CCDC91: variants seen among roughly 807,000 people sequenced by gnomAD.
CCDC91 encodes coiled-coil domain containing 91, also known as coiled-coil domain-containing protein 91.
A neutral mutation model predicts 63.2 loss-of-function variants in CCDC91; 48 were observed. The ratio of observed to expected loss-of-function variants is 0.76; its 90% confidence interval spans 0.60 to 0.97. CCDC91 has a LOEUF of 0.97. Among genes scored for constraint, CCDC91 ranks in the 50% least tolerant of loss-of-function variants. CCDC91 has a pLI of 0.00. For missense variants in CCDC91, 500 were observed against 494.6 expected (o/e 1.01, Z -0.10); for synonymous variants, 167 against 165.8 (o/e 1.01, Z -0.06).
chr12:28,446,015 A>G (rs1362291233), intron 8 of CCDC91, among the ~76,000 whole-genome samples: 2 of 152,122 alleles, frequency 1.3e-5, no homozygotes, highest in Non-Finnish European at 2.9e-5. Flanking sequence ...CAAAAGAGAA[A>G]TCAAAGCAGA....
chr12:28,214,805 G>C lies in CCDC91; in HGVS notation c.-15+24164G>C, dbSNP rs185016187. Among the ~76,000 whole-genome samples, 16 of 152,242 alleles carry C rather than the reference G, an allele frequency of 1.1e-4. No homozygotes were observed. The East Asian group carries it at 3.1e-3, about 29-fold the overall frequency. ...GTTGTAGTCAGGATAGTTGCATCAC[G>C]TTAGGTGGAATTATGACCTTGTTAT... On this transcript the variant is annotated intron_variant, in intron 1 of 12. Coordinates refer to ENST00000536442, the MANE Select transcript of CCDC91 (RefSeq NM_018318.5).
At chr12:28,479,096 A>T (rs1951291135) in intron 11 of CCDC91, among the ~76,000 whole-genome samples, 1 of 152,328 alleles carries the variant, frequency 6.6e-6, no homozygotes, top group Non-Finnish European at 1.5e-5. Flanking sequence ...CATTTGACCC[A>T]GCCATCCCAT....
chr12:28,223,638 A>G (rs1247813854), intron 1 of CCDC91, among the ~76,000 whole-genome samples: 1 of 152,132 alleles, frequency 6.6e-6, no homozygotes. Context: ...TCACTAGGCT[A>G]TTATTATGTA....
At chr12:28,425,418 C>G (rs2139989142) in intron 8 of CCDC91, among the ~76,000 whole-genome samples, 1 of 152,238 alleles carries the variant, frequency 6.6e-6, no homozygotes, top group South Asian at 2.1e-4. Context: ...CTCGTCTACT[C>G]CAGGCTCTAT....
At position 28,238,773 on chromosome 12, in the gene CCDC91, TTGG is replaced by T. The variant is rs1156501120; in HGVS notation, c.-14-18425_-14-18423del. ...ATGAATCAGATATGCACCAGTAAAC[TTGG>T]TGGGATTTGCATGGGGAATTATTAC... is the stretch of plus-strand genomic sequence containing the variant. On this transcript the variant is annotated intron_variant, in intron 1 of 12. Coordinates refer to ENST00000536442, the MANE Select transcript of CCDC91 (RefSeq NM_018318.5). 2.6e-5 allele frequency among the ~76,000 whole-genome samples: 4 copies of T among 152,032 alleles called. No homozygotes were observed. The East Asian group carries it at 7.7e-4, about 29-fold the overall frequency.
intron 12 of CCDC91, among the ~76,000 whole-genome samples, chr12:28,517,915 C>A (rs1284746948): frequency 6.6e-6 from 1 of 151,966 alleles, no homozygotes; most frequent in Non-Finnish European, 1.5e-5. Context: ...AGTTACTTCA[C>A]TTAGAATAAT....
At chr12:28,348,911 A>ACG (rs957315476) in intron 6 of CCDC91, among the ~76,000 whole-genome samples, 3 of 152,024 alleles carry the variant, frequency 2.0e-5, no homozygotes, top group African/African-American at 7.2e-5. Flanking sequence ...TTTTGTAGAG[A>ACG]CGGTGTTTTG....
In CCDC91 at chr12:28,421,838, CT is replaced by C. The variant is rs760570094; in HGVS notation, c.763-28321del. ...AATCTCCCCCTTTTCCTTTATCCTT[CT>C]TCCTATTCCTTCCCTGTATCCTATC... On this transcript the variant is annotated intron_variant, in intron 8 of 12. Coordinates refer to ENST00000536442, the MANE Select transcript of CCDC91 (RefSeq NM_018318.5). Among the ~76,000 whole-genome samples the C allele has an allele frequency of 1.2e-4, 18 of 152,242 alleles. No individual in the cohort carries two copies. The East Asian group carries it at 3.5e-3, about 29-fold the overall frequency.
intron 7 of CCDC91, among the ~76,000 whole-genome samples, chr12:28,375,821 G>A (rs550592108): frequency 1.3e-5 from 2 of 151,930 alleles, no homozygotes; most frequent in South Asian, 4.2e-4. Flanking sequence ...GACTTCATGA[G>A]TTCTTAATGT....
chr12:28,381,588 G>T (rs1272879151), intron 7 of CCDC91, among the ~76,000 whole-genome samples: 2 of 151,962 alleles, frequency 1.3e-5, no homozygotes, highest in African/African-American at 4.8e-5. Context: ...TTGCTTTATA[G>T]CAATCGGAGG....
At chr12:28,281,743 C>T (rs1014867347) in intron 3 of CCDC91, among the ~76,000 whole-genome samples, 2 of 152,092 alleles carry the variant, frequency 1.3e-5, no homozygotes, top group Non-Finnish European at 2.9e-5. Context: ...AAGTAGCTGA[C>T]ATAATTAAAA....
intron 7 of CCDC91, among the ~76,000 whole-genome samples, chr12:28,376,023 G>A (rs1944921430): frequency 6.6e-6 from 1 of 151,692 alleles, no homozygotes; most frequent in South Asian, 2.1e-4. Context: ...TATTTGTGTT[G>A]CTTTTTAAAA....
intron 11 of CCDC91, among the ~76,000 whole-genome samples, chr12:28,469,974 A>G (rs1232576424): frequency 1.3e-5 from 2 of 152,184 alleles, no homozygotes; most frequent in East Asian, 3.8e-4. Flanking sequence ...TCAAACTATG[A>G]AACCACTTCA....
intron 1 of CCDC91, among the ~76,000 whole-genome samples, chr12:28,195,055 G>T (rs184293633): frequency 6.6e-6 from 1 of 152,190 alleles, no homozygotes; most frequent in Admixed American, 6.5e-5. Flanking sequence ...TGGCTCGGGT[G>T]GCCTGCTTTT....
intron 12 of CCDC91, among the ~76,000 whole-genome samples, chr12:28,495,409 C>CGGT (rs1337796445): frequency 1.3e-5 from 2 of 151,568 alleles, no homozygotes; most frequent in Non-Finnish European, 3.0e-5. Flanking sequence ...ATCAAGTACC[C>CGGT]AAAGCTGATG....
chr12:28,522,195 C>G (rs1940757889), intron 12 of CCDC91, among the ~76,000 whole-genome samples: 1 of 152,166 alleles, frequency 6.6e-6, no homozygotes, highest in Non-Finnish European at 1.5e-5. Flanking sequence ...GTGAATCCAT[C>G]TGGTCCTGGA....
intron 11 of CCDC91, among the ~76,000 whole-genome samples, chr12:28,467,265 A>C (rs1950592028): frequency 6.6e-6 from 1 of 152,112 alleles, no homozygotes; most frequent in Non-Finnish European, 1.5e-5. Flanking sequence ...AGAAAAAGGG[A>C]TGGAAAAAGA....
Position 28,306,768 on chromosome 12 carries a change from G to A in CCDC91, c.294G>A (p.Leu98=), listed in dbSNP as rs901278608. The A allele has an allele frequency of 1.8e-5, 29 of 1,610,698 alleles. No homozygotes were observed. The highest frequency in any genetic ancestry group is 2.4e-5 in the Non-Finnish European group (28 of 1,178,088). ...TTCAGCAATCAACACACACTCATCT[G>A]GATATCTCACTTTTTCCATTGGGTT... is the stretch of plus-strand genomic sequence containing the variant. ...AQIQQSTHTH[L]DISLFPLGLT... The change falls in exon 5 of 13, where the codon CTG becomes CTA. Residue 98 remains leucine, a synonymous_variant. Coordinates refer to ENST00000536442, the MANE Select transcript of CCDC91 (RefSeq NM_018318.5).
intron 12 of CCDC91, among the ~76,000 whole-genome samples, chr12:28,509,022 A>G (rs1337659327): frequency 6.6e-6 from 1 of 151,974 alleles, no homozygotes; most frequent in African/African-American, 2.4e-5. Flanking sequence ...TTCTAGTTGT[A>G]TAGTCTGTGA....
Sources: allele counts gnomAD v4.1 joint callset (sites outside exome capture counted in the v4.1 genomes callset), GRCh38; gene constraint gnomAD v4.1.1; transcripts MANE v1.5; gene names NCBI Gene and HGNC (gene_info 2026-07-23, HGNC 2026-07-21).